DOCK9: variants seen among roughly 807,000 people sequenced by gnomAD.
The protein encoded by DOCK9 is dedicator of cytokinesis 9, also known as dedicator of cytokinesis protein 9.
In DOCK9, 89 loss-of-function variants were observed where a neutral mutation model predicts 263.3. That is an observed-to-expected ratio of 0.34 (90% CI 0.28 to 0.40). The LOEUF (loss-of-function observed/expected upper bound fraction) is 0.40, where lower values mean the gene tolerates loss of function less well. DOCK9 is among the 10% of genes least tolerant of loss of function. The pLI, the probability that DOCK9 is intolerant of heterozygous loss-of-function variation, is 1.00. For missense variants in DOCK9, 2,140 were observed against 2,603.4 expected (o/e 0.82, Z 3.87); for synonymous variants, 976 against 973.1 (o/e 1.00, Z -0.06).
intron 49 of DOCK9, among the ~76,000 whole-genome samples, chr13:98,801,964 G>C (rs1407027305): frequency 6.6e-6 from 1 of 152,232 alleles, no homozygotes; most frequent in Admixed American, 6.5e-5. Flanking sequence ...TCCCGACTTG[G>C]TTTCACAGAT....
At chr13:98,961,032 T>G (rs1269528740) in intron 1 of DOCK9, among the ~76,000 whole-genome samples, 6 of 152,148 alleles carry the variant, frequency 3.9e-5, no homozygotes, top group Non-Finnish European at 8.8e-5. Flanking sequence ...GGAACTGAGT[T>G]GAAGCAGCCC....
intron 9 of DOCK9, among the ~76,000 whole-genome samples, chr13:98,906,616 G>A (rs1210850550): frequency 6.6e-6 from 1 of 152,188 alleles, no homozygotes; most frequent in African/African-American, 2.4e-5. Flanking sequence ...AACCACAGCA[G>A]AAAAGGCGTC....
intron 38 of DOCK9, 100 bp downstream of exon 38, chr13:98,845,824 A>T (rs1276862584): frequency 6.7e-7 from 1 of 1,481,930 alleles, no homozygotes; most frequent in African/African-American, 1.4e-5. Flanking sequence ...AGCTAGAAGA[A>T]AAATTGAGTT....
chr13:98,923,174 G>A (rs569109091), intron 5 of DOCK9, 128 bp downstream of exon 5: 35 of 825,840 alleles, frequency 4.2e-5, no homozygotes, highest in East Asian at 2.2e-4. Flanking sequence ...AATTATTCCC[G>A]TTTCATGTAA....
At chr13:98,845,466 G>C (rs1483824715) in intron 38 of DOCK9, 1 of 808,184 alleles carries the variant, frequency 1.2e-6, no homozygotes, top group Non-Finnish European at 1.8e-6. Context: ...GTAGTGCAAG[G>C]ATTAACATCC....
intron 2 of DOCK9, among the ~76,000 whole-genome samples, chr13:98,934,743 CAAGT>C (rs2054543583): frequency 6.6e-6 from 1 of 152,162 alleles, no homozygotes; most frequent in Admixed American, 6.5e-5. Flanking sequence ...CGAAAGAGGT[CAAGT>C]AAGATACAGT....
chr13:99,018,694 T>C (rs1188970160), intron 1 of DOCK9, among the ~76,000 whole-genome samples: 1 of 152,230 alleles, frequency 6.6e-6, no homozygotes, highest in Non-Finnish European at 1.5e-5. Flanking sequence ...CACTGACTTT[T>C]CTGTATCAGA....
At position 98,793,465 on chromosome 13, in the gene DOCK9, T is replaced by C. The variant is rs900409202; in HGVS notation, c.*1161A>G. On this transcript the variant is annotated 3_prime_UTR_variant, in exon 53 of 53. Coordinates refer to ENST00000682017, the MANE Select transcript of DOCK9 (RefSeq NM_001366683.2). The stretch of plus-strand genomic sequence containing the variant: ...CTGTTCCCTTAGGACTGCTGAACAA[T>C]AAACACCCAGCAGCCACCCCAAATG... The C allele has an allele frequency of 2.7e-4, 41 of 152,622 alleles. No homozygotes were observed. The highest frequency in any genetic ancestry group is 9.6e-4 in the African/African-American group (40 of 41,556). 9.5% of individuals were successfully genotyped at this position (152,622 alleles called of 1,614,324 possible).
At chr13:99,029,880 C>T (rs1048450977) in intron 1 of DOCK9, among the ~76,000 whole-genome samples, 2 of 152,154 alleles carry the variant, frequency 1.3e-5, no homozygotes, top group Non-Finnish European at 1.5e-5. Context: ...TGAAAACAAA[C>T]CAAATGTCTA....
At chr13:99,063,467 G>A (rs892028604) in intron 1 of DOCK9, among the ~76,000 whole-genome samples, 3 of 152,180 alleles carry the variant, frequency 2.0e-5, no homozygotes, top group East Asian at 1.9e-4. Context: ...ACAAGTCACC[G>A]GACACCATGT....
At chr13:98,913,633 G>A (rs1249436325) in intron 9 of DOCK9, among the ~76,000 whole-genome samples, 1 of 152,120 alleles carries the variant, frequency 6.6e-6, no homozygotes, top group African/African-American at 2.4e-5. Context: ...TTTTAATAGT[G>A]CTTGTTTCTG....
intron 43 of DOCK9, among the ~76,000 whole-genome samples, chr13:98,828,786 G>C (rs1248174929): frequency 2.0e-5 from 3 of 152,096 alleles, no homozygotes; most frequent in Non-Finnish European, 4.4e-5. Context: ...AGTTAATATT[G>C]GATCTTGGAT....
At chr13:98,875,982 C>A (rs1465091038) in intron 27 of DOCK9, among the ~76,000 whole-genome samples, 1 of 152,164 alleles carries the variant, frequency 6.6e-6, no homozygotes, top group Non-Finnish European at 1.5e-5. Flanking sequence ...GTGCCATGTC[C>A]CTCCATGTAA....
intron 1 of DOCK9, among the ~76,000 whole-genome samples, chr13:99,036,207 C>T (rs750100461): frequency 2.6e-4 from 40 of 152,216 alleles, no homozygotes; most frequent in Non-Finnish European, 3.2e-4. Context: ...CTGTTACAAA[C>T]GGAATATTTG....
At chr13:99,014,468 A>C (rs1885062933) in intron 1 of DOCK9, among the ~76,000 whole-genome samples, 1 of 152,190 alleles carries the variant, frequency 6.6e-6, no homozygotes, top group African/African-American at 2.4e-5. Flanking sequence ...GAGTGCTAAC[A>C]TAAGACCCTC....
At chr13:98,964,845 C>T (rs2059034904) in intron 1 of DOCK9, among the ~76,000 whole-genome samples, 1 of 152,170 alleles carries the variant, frequency 6.6e-6, no homozygotes, top group Non-Finnish European at 1.5e-5. Flanking sequence ...AGCAGCAGGC[C>T]TCCCAGATGG....
In DOCK9 at chr13:98,817,699, T is replaced by C. The variant is rs147291223; in HGVS notation, c.5130+6699A>G. On this transcript the variant is annotated intron_variant, in intron 45 of 52. Transcript: ENST00000682017. ...CCTGAATTTAAGTAGCATATAAGTA[T>C]TGATATATGATATAATGTATGTACC... Among the ~76,000 whole-genome samples the C allele has an allele frequency of 8.6e-5, 13 of 150,900 alleles. No individual in the cohort carries two copies. The East Asian group carries it at 2.3e-3, about 27-fold the overall frequency.
intron 9 of DOCK9, among the ~76,000 whole-genome samples, chr13:98,907,507 A>C (rs2049301518): frequency 6.6e-6 from 1 of 152,192 alleles, no homozygotes; most frequent in Admixed American, 6.5e-5. Context: ...AAAACAATTA[A>C]CTACTAGCCA....
chr13:99,009,791 A>G (rs1444011188), intron 1 of DOCK9, among the ~76,000 whole-genome samples: 1 of 152,198 alleles, frequency 6.6e-6, no homozygotes, highest in East Asian at 1.9e-4. Flanking sequence ...ACTGTTAAAT[A>G]AGTACATGAT....
Sources: allele counts gnomAD v4.1 joint callset (sites outside exome capture counted in the v4.1 genomes callset), GRCh38; gene constraint gnomAD v4.1.1; transcripts MANE v1.5; gene names NCBI Gene and HGNC (gene_info 2026-07-23, HGNC 2026-07-21).